Variants in DIP2A observed in about 807,000 individuals in gnomAD.
DIP2A encodes the protein DIP2 acetate--CoA ligase A, also known as disco-interacting protein 2 homolog A.
A neutral mutation model predicts 177.4 loss-of-function variants in DIP2A; 85 were observed. That is an observed-to-expected ratio of 0.48 (90% confidence interval 0.40 to 0.57). DIP2A has a LOEUF of 0.57. Among genes scored for constraint, DIP2A ranks in the 20% least tolerant of loss-of-function variants. The pLI is 0.00. For missense variants in DIP2A, 1,791 were observed against 2,100.2 expected, an observed-to-expected ratio of 0.85 and a Z score of 2.88; for synonymous variants, 886 against 881.8, an observed-to-expected ratio of 1.00 and a Z score of -0.08.
chr21:46,562,733 C>G (rs1303048986), intron 34 of DIP2A, among the ~76,000 whole-genome samples: 1 of 152,198 alleles, frequency 6.6e-6, no homozygotes, highest in Non-Finnish European at 1.5e-5. Flanking sequence ...GAAAAGCTCC[C>G]TTCCCGTGTC....
At chr21:46,502,957 T>C (rs915950243) in intron 5 of DIP2A, among the ~76,000 whole-genome samples, 1 of 152,072 alleles carries the variant, frequency 6.6e-6, no homozygotes, top group Non-Finnish European at 1.5e-5. Flanking sequence ...ATTCAGACAA[T>C]GGAAGGAGTG....
the DIP2A span, among the ~76,000 whole-genome samples, chr21:46,575,118 T>G: frequency 2.6e-5 from 4 of 152,304 alleles, no homozygotes; most frequent in African/African-American, 9.6e-5. Flanking sequence ...TAAGGATGAT[T>G]CAATATATAA....
Position 46,557,640 on chromosome 21 carries a change from G to T in DIP2A, c.3685G>T (p.Val1229Leu). 6.2e-7 allele frequency: 1 copy of T among 1,613,468 alleles called. No homozygotes were observed. ...LVPPLELESN[V>L]SLWLSAVSQY... ...GCCCCCGCTGGAGCTGGAGAGCAACGTGTCCCTGTGGCTGTCGGCCGTCAG... is the reference window on the plus strand; with the variant it reads ...GCCCCCGCTGGAGCTGGAGAGCAACTTGTCCCTGTGGCTGTCGGCCGTCAG... The change falls in exon 31 of 38, where the codon GTG becomes TTG. Residue 1229 changes from valine to leucine, a missense_variant. Val to Leu is a conservative substitution (Grantham distance 32). Coordinates refer to ENST00000417564, the MANE Select transcript of DIP2A (RefSeq NM_015151.4). The surrounding 1 kb of genome is among the most constrained non-coding windows in gnomAD (Gnocchi z 6.0).
chr21:46,561,886 G>T, intron 34 of DIP2A, 81 bp downstream of exon 34: 3 of 1,582,218 alleles, frequency 1.9e-6, no homozygotes, highest in African/African-American at 2.7e-5. Flanking sequence ...GGGTGCTGGG[G>T]GCTGCGGCTC....
chr21:46,509,248 C>G lies in DIP2A; in HGVS notation c.785-9C>G, dbSNP rs2058186977. The G allele has an allele frequency of 6.2e-7, 1 of 1,609,812 alleles. No individual in the cohort carries two copies. Among genetic ancestry groups the G allele is most frequent in the South Asian group, 1.1e-5 (1 of 90,420 alleles). On this transcript the variant is annotated splice_polypyrimidine_tract_variant and intron_variant, in intron 6 of 37. Coordinates refer to ENST00000417564, the MANE Select transcript of DIP2A (RefSeq NM_015151.4). ...TGGCCTCAGTGCTCCTCTGTCCTTC[C>G]CGTGACAGGTGTCCCTGTGAACAGC...
chr21:46,556,943 C>T lies in DIP2A; in HGVS notation c.3503C>T (p.Ser1168Leu), dbSNP rs2060490876. 2.6e-6 allele frequency: 4 copies of T among 1,560,602 alleles called. No homozygotes were observed. Among genetic ancestry groups the T allele is most frequent in the Middle Eastern group, 1.7e-4 (1 of 5,826 alleles). Residue 1168 changes from serine (S) to leucine (L), a missense_variant, in exon 30 of 38, where the codon TCG (serine) becomes TTG (leucine). Ser to Leu is a moderately radical substitution (Grantham distance 145). Coordinates refer to ENST00000417564, the MANE Select transcript of DIP2A (RefSeq NM_015151.4). This position sits in a 1 kb window ranked among gnomAD's most constrained non-coding sequence, Gnocchi z 4.5. ...GAACTTTATTTTACTCTTAAGATGT[C>T]GCACGCGGCCACAAGCGCCTTATGC... is the stretch of plus-strand genomic sequence containing the variant. ...TTGILAGVKM[S>L]HAATSALCRS...
At chr21:46,484,955 G>A in intron 2 of DIP2A, 127 bp downstream of exon 2, 1 of 816,718 alleles carries the variant, frequency 1.2e-6, no homozygotes, top group Non-Finnish European at 1.8e-6. Flanking sequence ...GGTATATGTT[G>A]ATTATTGATT....
At chr21:46,461,271 C>CAAAA (rs60346777) in intron 1 of DIP2A, among the ~76,000 whole-genome samples, 2,796 of 49,176 alleles carry the variant, frequency 0.057, 217 homozygotes, top group Middle Eastern at 0.079. Context: ...CTCTTCTCAC[C>CAAAA]AAAAAAAAAA....
rs1601838206 is a variant in DIP2A, at chr21:46,557,506, T to G, written c.3630-79T>G. On this transcript the variant is annotated intron_variant, in intron 30 of 37. Transcript: ENST00000417564. The surrounding 1 kb of genome is among the most constrained non-coding windows in gnomAD (Gnocchi z 6.0). ...GCCCCTGTTGTGGCTGGAAAAGAAG[T>G]GTTCTTGAGGAAGGGAAGAGTGGAG... is the stretch of plus-strand genomic sequence containing the variant. The G allele has an allele frequency of 3.4e-6, 5 of 1,457,424 alleles. No homozygotes were observed. The highest frequency in any genetic ancestry group is 2.5e-5 in the East Asian group (1 of 40,652). 90.3% of individuals were successfully genotyped at this position (1,457,424 alleles called of 1,614,324 possible). A position where few individuals can be genotyped will look rare whatever the true frequency, so the allele number is the denominator to read the frequency against.
chr21:46,550,866 CAA>C, intron 23 of DIP2A, 122 bp downstream of exon 23: 1 of 1,046,466 alleles, frequency 9.6e-7, no homozygotes, highest in Non-Finnish European at 1.4e-6. Flanking sequence ...GGGCTGGGGT[CAA>C]GAGCCAGAGC....
At chr21:46,512,591 A>G (rs2058359745) in intron 8 of DIP2A, among the ~76,000 whole-genome samples, 1 of 152,092 alleles carries the variant, frequency 6.6e-6, no homozygotes, top group Non-Finnish European at 1.5e-5. Flanking sequence ...GTACTATTCA[A>G]ATATTTGGCT....
At position 46,497,004 on chromosome 21, in the gene DIP2A, C is replaced by G. The variant is rs139510335; in HGVS notation, c.300C>G (p.Ala100=). The change falls in exon 4 of 38, where the codon GCC becomes GCG. Residue 100 remains alanine, a synonymous_variant. Coordinates refer to ENST00000417564, the MANE Select transcript of DIP2A (RefSeq NM_015151.4). The part of the protein sequence containing the change: ...ERFRSDVHTE[A]VQAALAKYKE... ...CCTGTGTAGATGTCCACACTGAAGC[C>G]GTGCAAGCAGCTTTGGCCAAATACA... 5.0e-6 allele frequency: 8 copies of G among 1,599,800 alleles called. No individual in the cohort carries two copies. The African/African-American group carries it at 1.1e-4, about 22-fold the overall frequency.
rs2058308390 is a variant in DIP2A, at chr21:46,511,455, A to AG, written c.944dup (p.Ser315ArgfsTer55). 6.2e-7 allele frequency: 1 copy of AG among 1,612,660 alleles called. No homozygotes were observed. Among genetic ancestry groups the AG allele is most frequent in the Non-Finnish European group, 8.5e-7 (1 of 1,179,376 alleles). On this transcript the variant is annotated frameshift_variant, in exon 8 of 38. Coordinates refer to ENST00000417564, the MANE Select transcript of DIP2A (RefSeq NM_015151.4). LOFTEE classifies it high-confidence loss of function. ...TCCAAATCAGCCAAAGCCTGAGGGA[A>AG]GCGAGACGAGTGTGCTGAGAGGGGA...
intron 33 of DIP2A, 197 bp downstream of exon 33, chr21:46,560,980 G>C (rs2060642436): frequency 2.0e-6 from 2 of 985,470 alleles, no homozygotes; most frequent in Non-Finnish European, 2.4e-6. Flanking sequence ...AGGAAGAGGA[G>C]AGCTGTGTGC....
intron 20 of DIP2A, 170 bp downstream of exon 20, chr21:46,546,131 T>C (rs2060027980): frequency 1.4e-6 from 2 of 1,459,966 alleles, no homozygotes; most frequent in African/African-American, 2.8e-5. Flanking sequence ...TGCAGGGCCA[T>C]CCACACCTCC....
chr21:46,559,337 G>A (rs1452320275), intron 32 of DIP2A, among the ~76,000 whole-genome samples: 1 of 152,196 alleles, frequency 6.6e-6, no homozygotes, highest in Admixed American at 6.5e-5. Flanking sequence ...GAAGGAAATG[G>A]CACCTGTCCG....
At position 46,558,300 on chromosome 21, in the gene DIP2A, G is replaced by A; in HGVS notation, c.3876G>A (p.Gln1292=). 1 of 1,610,842 alleles carries A rather than the reference G, an allele frequency of 6.2e-7. No individual in the cohort carries two copies. The part of the protein sequence containing the change: ...AEERPRIALT[Q]SFSKLFKDLG... ...AGCGGCCCAGGATTGCGCTGACCCA[G>A]TCCTTCTCCAAGCTCTTCAAGGACC... is the stretch of plus-strand genomic sequence containing the variant. The change falls in exon 32 of 38, where the codon CAG becomes CAA. Residue 1292 remains glutamine (Q), a synonymous_variant. Transcript: ENST00000417564.
intron 21 of DIP2A, 22 bp downstream of exon 21, chr21:46,547,064 C>T (rs16979358): frequency 0.14 from 221,910 of 1,607,588 alleles, 16,736 homozygotes; most frequent in South Asian, 0.22. Flanking sequence ...CGGACCCCCA[C>T]GCCGGGAGTA....
intron 5 of DIP2A, among the ~76,000 whole-genome samples, chr21:46,501,469 G>C (rs2057645972): frequency 6.6e-6 from 1 of 151,698 alleles, no homozygotes; most frequent in African/African-American, 2.4e-5. Flanking sequence ...ACCCACGCTG[G>C]AGTACAGTGG....
Sources: gnomAD v4.1 joint callset for allele counts (sites outside exome capture counted in the v4.1 genomes callset) on GRCh38, gnomAD v4.1.1 for gene constraint, Gnocchi (gnomAD v3.1) non-coding constraint, MANE v1.5 for transcripts, NCBI Gene and HGNC (gene_info 2026-07-23, HGNC 2026-07-21) for gene names.